The following PLA1A variants were observed in gnomAD, a reference collection of about 807,000 sequenced individuals.
PLA1A encodes the protein phospholipase A1 member A, also known as phosphatidylserine-specific phospholipase A1alpha.
PLA1A carries 47 observed loss-of-function variants against 49.4 expected under a neutral mutation model. The ratio of observed to expected loss-of-function variants is 0.95; its 90% CI spans 0.75 to 1.21. The LOEUF (loss-of-function observed/expected upper bound fraction) is 1.21, where lower values mean the gene tolerates loss of function less well. Ranked by LOEUF, PLA1A falls within the 50% of genes most tolerant of loss-of-function variation. The pLI is 0.00. For missense variants in PLA1A, 561 were observed against 563.9 expected, an observed-to-expected ratio of 0.99 and a Z score of 0.05; for synonymous variants, 224 against 207.9, an observed-to-expected ratio of 1.08 and a Z score of -0.67.
chr3:119,614,617 A>T (rs2082819812), intron 5 of PLA1A, among the ~76,000 whole-genome samples: 1 of 151,804 alleles, frequency 6.6e-6, no homozygotes, highest in Non-Finnish European at 1.5e-5. Flanking sequence ...AAAAAAAAAA[A>T]AAAAAAAAAA....
intron 5 of PLA1A, among the ~76,000 whole-genome samples, chr3:119,614,605 CAAAAAAAAAAAAA>C (rs57980425): frequency 1.5e-5 from 1 of 67,990 alleles, no homozygotes; most frequent in Non-Finnish European, 3.3e-5. Context: ...GACTTCGTCT[CAAAAAAAAAAAAA>C]AAAAAAAAAA....
chr3:119,606,883 T>G lies in PLA1A; in HGVS notation c.183T>G (p.Pro61=). ...VQFLLFVPSN[P]SCGQLVEGSS... is the part of the protein sequence containing the mutation. Reference sequence around the variant, plus strand: ...TTCTCCTCTTTGTCCCTTCGAATCCTAGCTGTGGGCAGCTAGTAGAAGGAA... The same window carrying G: ...TTCTCCTCTTTGTCCCTTCGAATCCGAGCTGTGGGCAGCTAGTAGAAGGAA... Residue 61 remains proline (P), a synonymous_variant, in exon 2 of 11, where the codon CCT becomes CCG. Transcript: ENST00000273371. 6.2e-7 allele frequency: 1 copy of G among 1,614,164 alleles called. No homozygotes were observed. Among genetic ancestry groups the G allele is most frequent in the Non-Finnish European group, 8.5e-7 (1 of 1,179,992 alleles).
intron 3 of PLA1A, 91 bp from the exon 4 acceptor site, chr3:119,609,377 C>T (rs770941085): frequency 7.3e-5 from 61 of 834,378 alleles, no homozygotes; most frequent in African/African-American, 4.8e-4. Flanking sequence ...TGCCCAGGGC[C>T]TCGGCTTCTG....
At chr3:119,601,142 C>T (rs551512115) in intron 1 of PLA1A, among the ~76,000 whole-genome samples, 2 of 152,368 alleles carry the variant, frequency 1.3e-5, no homozygotes, top group Admixed American at 6.5e-5. Context: ...CCAGAACACC[C>T]TTCCCTTCTT....
chr3:119,612,239 C>T (rs562584941), intron 4 of PLA1A, among the ~76,000 whole-genome samples: 1 of 152,164 alleles, frequency 6.6e-6, no homozygotes, highest in Non-Finnish European at 1.5e-5. Context: ...TTTCCCAAAT[C>T]TACTTTGAAC....
At chr3:119,606,663 C>G (rs2082692457) in intron 1 of PLA1A, 111 bp from the exon 2 acceptor site, 8 of 707,122 alleles carry the variant, frequency 1.1e-5, no homozygotes, top group Non-Finnish European at 1.7e-5. Context: ...TATAATAAAC[C>G]CCATGCCTGC....
chr3:119,622,140 G>A (rs977516015), intron 8 of PLA1A, among the ~76,000 whole-genome samples: 14 of 126,254 alleles, frequency 1.1e-4, no homozygotes, highest in African/African-American at 2.7e-4. Flanking sequence ...AGGAAGAGGA[G>A]GAGGAGGAGG....
chr3:119,620,698 G>C (rs2082917213), intron 8 of PLA1A, among the ~76,000 whole-genome samples: 1 of 152,212 alleles, frequency 6.6e-6, no homozygotes, highest in African/African-American at 2.4e-5. Flanking sequence ...TAGTCAATCA[G>C]AGAATTTGGG....
intron 8 of PLA1A, among the ~76,000 whole-genome samples, chr3:119,620,609 T>C (rs941546175): frequency 6.6e-6 from 1 of 152,140 alleles, no homozygotes; most frequent in Admixed American, 6.5e-5. Context: ...AAGAACCAAT[T>C]GTGAGTATAA....
At chr3:119,599,849 A>G (rs1322839115) in intron 1 of PLA1A, among the ~76,000 whole-genome samples, 4 of 152,074 alleles carry the variant, frequency 2.6e-5, no homozygotes, top group African/African-American at 9.7e-5. Context: ...TCCCACCTTA[A>G]CTGAGTGTTT....
In PLA1A at chr3:119,619,605, A is replaced by AG; in HGVS notation, c.967dup (p.Glu323GlyfsTer41). 6.2e-7 allele frequency: 1 copy of AG among 1,613,866 alleles called. No homozygotes were observed. Among genetic ancestry groups the AG allele is most frequent in the Non-Finnish European group, 8.5e-7 (1 of 1,179,720 alleles). ...GGTGTCAAGATAGAGCCGCTCCCCAAGGAAGTGAAAGTCTACCTCCTGACT... is the reference window on the plus strand; with the variant it reads ...GGTGTCAAGATAGAGCCGCTCCCCAAGGGAAGTGAAAGTCTACCTCCTGACT... On this transcript the variant is annotated frameshift_variant, in exon 8 of 11. Transcript: ENST00000273371. LOFTEE classifies it high-confidence loss of function.
At chr3:119,606,111 G>T (rs1423909085) in intron 1 of PLA1A, among the ~76,000 whole-genome samples, 1 of 152,202 alleles carries the variant, frequency 6.6e-6, no homozygotes, top group African/African-American at 2.4e-5. Flanking sequence ...CTACTAGTTT[G>T]CTAGGGATAC....
chr3:119,600,526 G>T, intron 1 of PLA1A: 1 of 641,408 alleles, frequency 1.6e-6, no homozygotes. Context: ...GCTCCCAAAG[G>T]GCAGTTATGG....
At chr3:119,626,413 C>T (rs907585191) in intron 9 of PLA1A, among the ~76,000 whole-genome samples, 1 of 152,182 alleles carries the variant, frequency 6.6e-6, no homozygotes, top group Non-Finnish European at 1.5e-5. Flanking sequence ...CAGAGTCTGA[C>T]TGAGTCCAAG....
Position 119,625,245 on chromosome 3 carries a change from C to T in PLA1A, c.1121+13C>T, listed in dbSNP as rs1256869098. The T allele has an allele frequency of 6.5e-7, 1 of 1,534,600 alleles. No homozygotes were observed. Among genetic ancestry groups the T allele is most frequent in the Non-Finnish European group, 9.0e-7 (1 of 1,107,784 alleles). Reference sequence around the variant, plus strand: ...CTAAGATCACCATGTACGTAAGTGTCCCACCTGGTTGACTCCTCCCCTTAG... The same window carrying T: ...CTAAGATCACCATGTACGTAAGTGTTCCACCTGGTTGACTCCTCCCCTTAG... On this transcript the variant is annotated intron_variant, in intron 9 of 10. Transcript: ENST00000273371.
At chr3:119,602,176 T>C (rs370968231) in intron 1 of PLA1A, among the ~76,000 whole-genome samples, 9 of 152,284 alleles carry the variant, frequency 5.9e-5, no homozygotes, top group Admixed American at 5.9e-4. Context: ...GATATTCTCA[T>C]AGAATGAACT....
intron 9 of PLA1A, among the ~76,000 whole-genome samples, chr3:119,625,514 C>A (rs532207246): frequency 1.3e-5 from 2 of 152,144 alleles, no homozygotes; most frequent in Non-Finnish European, 2.9e-5. Flanking sequence ...GGAATCAGGT[C>A]CCTGAGAGGA....
intron 9 of PLA1A, among the ~76,000 whole-genome samples, chr3:119,625,769 G>C (rs1172244819): frequency 6.6e-6 from 1 of 152,196 alleles, no homozygotes; most frequent in East Asian, 1.9e-4. Flanking sequence ...TGAAACTGGG[G>C]GTAGTCATTC....
At chr3:119,603,746 A>G (rs1460874673) in intron 1 of PLA1A, among the ~76,000 whole-genome samples, 1 of 152,254 alleles carries the variant, frequency 6.6e-6, no homozygotes, top group African/African-American at 2.4e-5. Context: ...GGCTCCACCA[A>G]AGGGATGTGA....
Sources: gnomAD v4.1 joint callset for allele counts (sites outside exome capture counted in the v4.1 genomes callset) on GRCh38, gnomAD v4.1.1 for gene constraint, MANE v1.5 for transcripts, NCBI Gene and HGNC (gene_info 2026-07-23, HGNC 2026-07-21) for gene names.